Variants in WWC1 observed in about 807,000 individuals in gnomAD.
WWC1 encodes WW and C2 domain containing 1.
A neutral mutation model predicts 138.4 loss-of-function variants in WWC1; 55 were observed. The observed-to-expected ratio is 0.40, with a 90% CI of 0.32 to 0.50. WWC1 has a LOEUF of 0.50. Ranked by LOEUF, WWC1 falls within the 20% of genes least tolerant of loss-of-function variation. WWC1 has a pLI of 0.72. For synonymous variants in WWC1, 524 were observed against 564.9 expected, an observed-to-expected ratio of 0.93 and a Z score of 1.03; for missense variants, 1,226 against 1,420.4, an observed-to-expected ratio of 0.86 and a Z score of 2.20.
chr5:168,421,987 G>A (rs762547724), intron 9 of WWC1, 21 bp from the exon 10 acceptor site: 16 of 1,603,740 alleles, frequency 1.0e-5, no homozygotes, highest in Middle Eastern at 1.7e-4. Context: ...TGCATCCCTC[G>A]CATGCTTTCT....
intron 15 of WWC1, 81 bp downstream of exon 15, chr5:168,431,525 G>T: frequency 6.7e-7 from 1 of 1,483,916 alleles, no homozygotes; most frequent in Non-Finnish European, 9.1e-7. Flanking sequence ...TGTGTTTATG[G>T]GGATTGGTCT....
chr5:168,305,447 C>T (rs576238187), intron 1 of WWC1, among the ~76,000 whole-genome samples: 13 of 152,300 alleles, frequency 8.5e-5, no homozygotes, highest in African/African-American at 3.1e-4. Context: ...GCATCCTGTG[C>T]CGTAATAGAA....
intron 2 of WWC1, among the ~76,000 whole-genome samples, chr5:168,384,698 T>C (rs1182142837): frequency 6.6e-6 from 1 of 150,996 alleles, no homozygotes; most frequent in Non-Finnish European, 1.5e-5. Flanking sequence ...GTTTGGAAAT[T>C]GATCCTGGTT....
At chr5:168,430,656 C>T (rs1377810800) in intron 14 of WWC1, among the ~76,000 whole-genome samples, 1 of 145,474 alleles carries the variant, frequency 6.9e-6, no homozygotes, top group African/African-American at 2.6e-5. Context: ...CCAGTCACTG[C>T]TTCTCTTGGA....
At chr5:168,338,076 C>T (rs1389176210) in intron 1 of WWC1, among the ~76,000 whole-genome samples, 2 of 151,998 alleles carry the variant, frequency 1.3e-5, no homozygotes, top group Non-Finnish European at 2.9e-5. Flanking sequence ...TTTGGGAGGC[C>T]AAGGTGGGCA....
chr5:168,459,923 C>T (rs923296016), intron 19 of WWC1, among the ~76,000 whole-genome samples: 19 of 152,228 alleles, frequency 1.2e-4, no homozygotes, highest in African/African-American at 3.4e-4. Flanking sequence ...CTCTCCCTTG[C>T]GCTCCTTAGG....
At chr5:168,444,789 T>C (rs1755087796) in intron 17 of WWC1, among the ~76,000 whole-genome samples, 2 of 152,134 alleles carry the variant, frequency 1.3e-5, no homozygotes, top group South Asian at 4.1e-4. Context: ...TGCCATTTCG[T>C]TTCCCATGAA....
chr5:168,309,519 C>G (rs1017589398), intron 1 of WWC1, among the ~76,000 whole-genome samples: 2 of 152,134 alleles, frequency 1.3e-5, no homozygotes, highest in East Asian at 1.9e-4. Context: ...ACAGGCAGCC[C>G]CTATTTCCAG....
At chr5:168,420,444 A>G (rs566609087) in intron 9 of WWC1, among the ~76,000 whole-genome samples, 35 of 152,262 alleles carry the variant, frequency 2.3e-4, no homozygotes, top group African/African-American at 7.0e-4. Context: ...TAAAAGCCCT[A>G]TCTCCAAATA....
intron 16 of WWC1, among the ~76,000 whole-genome samples, chr5:168,443,700 C>G (rs1455920712): frequency 6.6e-6 from 1 of 152,106 alleles, no homozygotes; most frequent in Non-Finnish European, 1.5e-5. Context: ...TGCTATATAC[C>G]AGGCCTTCAG....
intron 16 of WWC1, among the ~76,000 whole-genome samples, 175 bp downstream of exon 16, chr5:168,442,009 C>G (rs1754817552): frequency 6.6e-6 from 1 of 152,226 alleles, no homozygotes. Context: ...AGGCGGCTCC[C>G]TTTCTGCAAC....
At chr5:168,408,741 A>C in intron 7 of WWC1, 88 bp downstream of exon 7, 1 of 1,557,468 alleles carries the variant, frequency 6.4e-7, no homozygotes, top group Non-Finnish European at 8.7e-7. Flanking sequence ...CTCATGGCTC[A>C]CCAGGGAGCT....
At chr5:168,389,358 A>G (rs975195239) in intron 3 of WWC1, among the ~76,000 whole-genome samples, 10 of 151,458 alleles carry the variant, frequency 6.6e-5, no homozygotes, top group African/African-American at 2.4e-4. Context: ...GAGGCAGGAG[A>G]ATCGCTTGCT....
chr5:168,381,756 CTT>C (rs566178060), intron 2 of WWC1, among the ~76,000 whole-genome samples: 10 of 114,286 alleles, frequency 8.7e-5, no homozygotes, highest in Non-Finnish European at 1.5e-4. Context: ...GGGGTTCAGG[CTT>C]TTTTTTTTTT....
At chr5:168,296,544 C>A (rs1238569958) in intron 1 of WWC1, among the ~76,000 whole-genome samples, 1 of 152,128 alleles carries the variant, frequency 6.6e-6, no homozygotes, top group African/African-American at 2.4e-5. Flanking sequence ...AGGTTCATAA[C>A]CCCTGCCATA....
In WWC1 at chr5:168,468,994, G is replaced by A; in HGVS notation, c.3319G>A (p.Ala1107Thr). The A allele has an allele frequency of 6.2e-7, 1 of 1,614,222 alleles. No individual in the cohort carries two copies. Among genetic ancestry groups the A allele is most frequent in the Non-Finnish European group, 8.5e-7 (1 of 1,180,040 alleles). The part of the protein sequence containing the change: ...FFTRPRMNIP[A>T]LSADDV ...CACCCGGCCTCGGATGAATATCCCA[G>A]CTCTCTCTGCAGATGACGTCTAATC... The change falls in exon 23 of 23, where the codon GCT becomes ACT. Residue 1107 changes from alanine to threonine, a missense_variant. Ala to Thr is a moderately conservative substitution (Grantham distance 58, BLOSUM62 0). Coordinates refer to ENST00000265293, the MANE Select transcript of WWC1 (RefSeq NM_015238.3).
At position 168,470,485 on chromosome 5, in the gene WWC1, C is replaced by A. The variant is rs1228904720; in HGVS notation, c.*1468C>A. ...CTTGCAGTGAGCTGAGATTGTGCCA[C>A]TGCACTCCAGCCTGGGTGACAGAGC... is the stretch of plus-strand genomic sequence containing the variant. On this transcript the variant is annotated 3_prime_UTR_variant, in exon 23 of 23. Transcript: ENST00000265293. 2.7e-5 allele frequency: 4 copies of A among 150,698 alleles called. No individual in the cohort carries two copies. Among genetic ancestry groups the A allele is most frequent in the Non-Finnish European group, 5.9e-5 (4 of 67,952 alleles). The allele number at this position is 150,698 out of a possible 1,614,324, so 9.3% of individuals were successfully genotyped here. A position where few individuals can be genotyped will look rare whatever the true frequency, so the allele number is the denominator to read the frequency against.
chr5:168,313,654 A>AT (rs957962344), intron 1 of WWC1, among the ~76,000 whole-genome samples: 1 of 151,280 alleles, frequency 6.6e-6, no homozygotes, highest in Admixed American at 6.6e-5. Context: ...CAGAATGTGA[A>AT]TTTTAACCAG....
intron 18 of WWC1, among the ~76,000 whole-genome samples, chr5:168,454,912 A>G (rs1490487010): frequency 6.6e-6 from 1 of 152,254 alleles, no homozygotes; most frequent in Non-Finnish European, 1.5e-5. Flanking sequence ...GGTTTTAAAA[A>G]CAAGATTTGC....
Sources: gnomAD v4.1 joint callset for allele counts (sites outside exome capture counted in the v4.1 genomes callset) on GRCh38, gnomAD v4.1.1 for gene constraint, MANE v1.5 for transcripts, NCBI Gene and HGNC (gene_info 2026-07-23, HGNC 2026-07-21) for gene names.